Variants in DIP2A observed in about 807,000 individuals in gnomAD.
DIP2A encodes DIP2 acetate--CoA ligase A, also known as disco-interacting protein 2 homolog A.
In DIP2A, 85 loss-of-function variants were observed where a neutral mutation model predicts 177.4. That is an observed-to-expected ratio of 0.48 (90% CI 0.40 to 0.57). The LOEUF is 0.57. DIP2A is among the 20% of genes least tolerant of loss of function. The pLI is 0.00. For synonymous variants in DIP2A, 886 were observed against 881.8 expected, an observed-to-expected ratio of 1.00 and a Z score of -0.08; for missense variants, 1,791 against 2,100.2, an observed-to-expected ratio of 0.85 and a Z score of 2.88.
chr21:46,582,335 C>T, the DIP2A span, among the ~76,000 whole-genome samples: 1 of 152,142 alleles, frequency 6.6e-6, no homozygotes, highest in Non-Finnish European at 1.5e-5. Flanking sequence ...GTGATGGTGG[C>T]CGCCCCTCCC....
chr21:46,520,058 T>G (rs1415767817), intron 8 of DIP2A, among the ~76,000 whole-genome samples: 8 of 151,766 alleles, frequency 5.3e-5, no homozygotes, highest in African/African-American at 1.9e-4. Flanking sequence ...GTATTTTTAG[T>G]AGAGACGGGG....
intron 26 of DIP2A, 73 bp downstream of exon 26, chr21:46,554,365 A>G (rs1423285464): frequency 6.3e-7 from 1 of 1,578,108 alleles, no homozygotes; most frequent in Non-Finnish European, 8.6e-7. Context: ...CCCCCTAGAC[A>G]CTCCCTCCCC....
chr21:46,493,069 A>G (rs2057113639), intron 3 of DIP2A, among the ~76,000 whole-genome samples: 1 of 152,192 alleles, frequency 6.6e-6, no homozygotes, highest in East Asian at 1.9e-4. Flanking sequence ...ACCAACCATG[A>G]GGCACCTTGA....
Position 46,528,527 on chromosome 21 carries a change from C to CTTTTTTTTTTTTTTTTT in DIP2A, c.1103-540_1103-524dup, listed in dbSNP as rs1162872343. Among the ~76,000 whole-genome samples the CTTTTTTTTTTTTTTTTT allele has an allele frequency of 5.8e-4, 17 of 29,408 alleles. 4 individuals carry two copies. The highest frequency in any genetic ancestry group is 1.6e-3 in the East Asian group (1 of 640). The allele number at this position is 29,408 out of a possible 152,430, so 19.3% of individuals were successfully genotyped here. ...ACCAAATACTGACTTTTTCTGCTTG[C>CTTTTTTTTTTTTTTTTT]TTTTTTTTTTTTTTTTTTTTTTTTT... On this transcript the variant is annotated intron_variant, in intron 8 of 37. Coordinates refer to ENST00000417564, the MANE Select transcript of DIP2A (RefSeq NM_015151.4).
downstream of DIP2A, among the ~76,000 whole-genome samples, chr21:46,571,710 TG>T (rs2148934760): frequency 6.6e-6 from 1 of 152,340 alleles, no homozygotes; most frequent in South Asian, 2.1e-4. Flanking sequence ...TGTCTGTTAT[TG>T]GTGTATAAGA....
intron 7 of DIP2A, 110 bp from the exon 8 acceptor site, chr21:46,511,307 T>G (rs969499370): frequency 7.7e-5 from 91 of 1,181,320 alleles, no homozygotes; most frequent in Non-Finnish European, 1.1e-4. Context: ...ATTGTAAGCT[T>G]TTTTATAGTT....
chr21:46,506,260 G>A (rs1293224477), intron 6 of DIP2A, among the ~76,000 whole-genome samples: 1 of 151,834 alleles, frequency 6.6e-6, no homozygotes, highest in Non-Finnish European at 1.5e-5. Flanking sequence ...TGGGATTACA[G>A]GCATGTGCCA....
At chr21:46,503,882 C>T (rs1452883065) in intron 5 of DIP2A, among the ~76,000 whole-genome samples, 2 of 152,206 alleles carry the variant, frequency 1.3e-5, no homozygotes, top group South Asian at 2.1e-4. Flanking sequence ...TGTGCCACGA[C>T]GCCCGGCTGA....
At chr21:46,567,311 C>A (rs747891264) in intron 37 of DIP2A, 59 bp from the exon 38 acceptor site, 215 of 1,556,896 alleles carry the variant, frequency 1.4e-4, no homozygotes, top group Non-Finnish European at 1.9e-4. Flanking sequence ...CCCAAGCATT[C>A]ATTGGCCCCT....
At chr21:46,561,532 G>T in intron 33 of DIP2A, 1 of 662,500 alleles carries the variant, frequency 1.5e-6, no homozygotes, top group Non-Finnish European at 2.7e-6. Flanking sequence ...TGAGCACATG[G>T]GGTGGGTGGC....
At chr21:46,527,168 G>C (rs1340988273) in intron 8 of DIP2A, among the ~76,000 whole-genome samples, 2 of 151,952 alleles carry the variant, frequency 1.3e-5, no homozygotes, top group African/African-American at 4.8e-5. Context: ...TGGGTTTTCT[G>C]TTGAACCTCT....
chr21:46,560,766 G>A lies in DIP2A; in HGVS notation c.4014G>A (p.Arg1338=), dbSNP rs2060636495. The change falls in exon 33 of 38, where the codon CGG becomes CGA. Residue 1338 remains arginine (R), a synonymous_variant. Coordinates refer to ENST00000417564, the MANE Select transcript of DIP2A (RefSeq NM_015151.4). ...PDPTTVYVDM[R]ALRHDRVRLV... ...CCACAACCGTCTACGTGGACATGCG[G>A]GCACTGCGCCATGACAGGTAATGCT... The A allele has an allele frequency of 4.4e-6, 7 of 1,607,720 alleles. No individual in the cohort carries two copies. The highest frequency in any genetic ancestry group is 1.1e-5 in the South Asian group (1 of 89,640).
downstream of DIP2A, among the ~76,000 whole-genome samples, chr21:46,573,988 C>T (rs577875708): frequency 2.3e-4 from 35 of 152,018 alleles, no homozygotes; most frequent in Non-Finnish European, 3.7e-4. Context: ...TTAAACAGCA[C>T]AACAAACTAA....
intron 1 of DIP2A, among the ~76,000 whole-genome samples, chr21:46,461,696 A>G (rs940815639): frequency 1.8e-4 from 27 of 152,202 alleles, no homozygotes; most frequent in Non-Finnish European, 3.2e-4. Flanking sequence ...TAGGTAAGTA[A>G]AGGTATAAGA....
chr21:46,563,700 C>T lies in DIP2A; in HGVS notation c.4090-158C>T. Reference sequence around the variant, plus strand: ...AACATCTCTTATTTCTTTCAAAATTCAAAGTCAAATTTGGAGCGGCCTCTA... The same window carrying T: ...AACATCTCTTATTTCTTTCAAAATTTAAAGTCAAATTTGGAGCGGCCTCTA... On this transcript the variant is annotated intron_variant, in intron 34 of 37. Coordinates refer to ENST00000417564, the MANE Select transcript of DIP2A (RefSeq NM_015151.4). This position sits in a 1 kb window ranked among gnomAD's most constrained non-coding sequence, Gnocchi z 4.3. The T allele has an allele frequency of 3.0e-6, 4 of 1,326,784 alleles. No individual in the cohort carries two copies. The highest frequency in any genetic ancestry group is 4.0e-6 in the Non-Finnish European group (4 of 1,008,056). The allele number at this position is 1,326,784 out of a possible 1,614,324, so 82.2% of individuals were successfully genotyped here.
chr21:46,472,194 T>C (rs1172226001), intron 1 of DIP2A, among the ~76,000 whole-genome samples: 1 of 152,218 alleles, frequency 6.6e-6, no homozygotes, highest in African/African-American at 2.4e-5. Flanking sequence ...AGAAAGGCCA[T>C]GTGAAGACAT....
chr21:46,574,616 A>C (rs2060981989), downstream of DIP2A, among the ~76,000 whole-genome samples: 1 of 152,160 alleles, frequency 6.6e-6, no homozygotes, highest in Admixed American at 6.5e-5. Flanking sequence ...ATCAGAAATA[A>C]AATTGGAAAC....
At chr21:46,520,448 G>C (rs894495868) in intron 8 of DIP2A, among the ~76,000 whole-genome samples, 5 of 152,158 alleles carry the variant, frequency 3.3e-5, no homozygotes, top group Non-Finnish European at 5.9e-5. Context: ...ACTCCTGTTC[G>C]ATATTCATGA....
chr21:46,567,346 AC>A, intron 37 of DIP2A, 23 bp from the exon 38 acceptor site: 5 of 1,602,276 alleles, frequency 3.1e-6, no homozygotes, highest in Non-Finnish European at 4.3e-6. Context: ...TATCCATGTG[AC>A]CCAGTCTGTC....
Sources: gnomAD v4.1 joint callset for allele counts (sites outside exome capture counted in the v4.1 genomes callset) on GRCh38, gnomAD v4.1.1 for gene constraint, Gnocchi (gnomAD v3.1) non-coding constraint, MANE v1.5 for transcripts, NCBI Gene and HGNC (gene_info 2026-07-23, HGNC 2026-07-21) for gene names.